Variants in CRYZ observed in about 807,000 individuals in gnomAD.
The protein encoded by CRYZ is zeta-crystallin.
CRYZ carries 35 observed loss-of-function variants against 34.1 expected under a neutral mutation model. The observed-to-expected ratio is 1.03, with a 90% CI of 0.78 to 1.36. The LOEUF is 1.36. Ranked by LOEUF, CRYZ falls within the 40% of genes most tolerant of loss-of-function variation. The pLI is 0.00. For synonymous variants in CRYZ, 137 were observed against 136.5 expected (o/e 1.00, Z -0.03); for missense variants, 403 against 391.8 (o/e 1.03, Z -0.24).
Position 74,719,230 on chromosome 1 carries a change from G to A in CRYZ, c.407C>T (p.Ala136Val), listed in dbSNP as rs1375457137. Reference protein sequence around the residue: ...GAAIGIPYFTAYRALIHSACV... With the variant: ...GAAIGIPYFTVYRALIHSACV... ...TTACCTGTGGATCAGAGCTCGATAA[G>A]CAGTAAAATATGGAATGCCGATGGC... Residue 136 changes from alanine to valine, a missense_variant, in exon 4 of 9, where the codon GCT (alanine) becomes GTT (valine). Ala to Val is a moderately conservative substitution (Grantham distance 64, BLOSUM62 0). Transcript: ENST00000340866. The A allele has an allele frequency of 2.5e-6, 4 of 1,613,752 alleles. No individual in the cohort carries two copies. In the East Asian group the frequency reaches 8.9e-5, roughly 36 times the overall value.
rs1647917785 is a variant in CRYZ at position 74,732,853 on chromosome 1, G to A, written c.-14+103C>T. ...GCACTAGTTCTCTGGGAGGACAGAG[G>A]GCAGGAAAGGGGTGCAGCCAAAATC... On this transcript the variant is annotated intron_variant, in intron 1 of 8. Transcript: ENST00000340866. 1.5e-5 allele frequency: 3 copies of A among 200,958 alleles called. No homozygotes were observed. The South Asian group carries it at 2.7e-4, about 18-fold the overall frequency. The allele number at this position is 200,958 out of a possible 1,614,324, so 12.4% of individuals were successfully genotyped here. A position where few individuals can be genotyped will look rare whatever the true frequency, so the allele number is the denominator to read the frequency against.
intron 1 of CRYZ, among the ~76,000 whole-genome samples, chr1:74,725,176 T>C (rs1054194382): frequency 6.6e-6 from 1 of 152,210 alleles, no homozygotes; most frequent in Non-Finnish European, 1.5e-5. Flanking sequence ...TTTATTAACA[T>C]TAGGTAAACT....
At chr1:74,716,862 C>A (rs1427892610) in intron 4 of CRYZ, among the ~76,000 whole-genome samples, 11 of 152,142 alleles carry the variant, frequency 7.2e-5, no homozygotes, top group Non-Finnish European at 1.5e-4. Context: ...TTGCCACCAG[C>A]ATTCTAGCCC....
Position 74,706,909 on chromosome 1 carries a change from G to A in CRYZ, c.818C>T (p.Ser273Phe), listed in dbSNP as rs1646936570. Reference protein sequence around the residue: ...ESSIIGVTLFSSTKEEFQQYA... With the variant: ...ESSIIGVTLFFSTKEEFQQYA... ...TACTTCTTTTCCTACCTTGGTTGAG[G>A]AAAAGAGAGTAACTCCAATTATACT... The change falls in exon 8 of 9, where the codon TCC (serine) becomes TTC (phenylalanine). Residue 273 changes from serine to phenylalanine, a missense_variant. Ser to Phe is a radical substitution (Grantham distance 155). Coordinates refer to ENST00000340866, the MANE Select transcript of CRYZ (RefSeq NM_001889.4). The A allele has an allele frequency of 1.9e-6, 3 of 1,612,332 alleles. No homozygotes were observed. The highest frequency in any genetic ancestry group is 2.5e-6 in the Non-Finnish European group (3 of 1,178,860).
intron 4 of CRYZ, among the ~76,000 whole-genome samples, chr1:74,717,669 G>A (rs987379322): frequency 2.6e-5 from 4 of 152,176 alleles, no homozygotes; most frequent in Non-Finnish European, 5.9e-5. Flanking sequence ...CTGCCCTTGA[G>A]ATGTTTAAGT....
intron 1 of CRYZ, among the ~76,000 whole-genome samples, chr1:74,731,116 CTTGGTTTAATTT>C (rs976585414): frequency 6.6e-5 from 10 of 152,090 alleles, no homozygotes; most frequent in Admixed American, 2.6e-4. Context: ...TTAAGAGTCC[CTTGGTTTAATTT>C]TTGGTTTAAT....
intron 1 of CRYZ, among the ~76,000 whole-genome samples, chr1:74,726,069 G>A (rs1647320949): frequency 6.6e-6 from 1 of 152,190 alleles, no homozygotes. Flanking sequence ...TTGAGTGTCT[G>A]CAGCCTTTCC....
intron 4 of CRYZ, 44 bp downstream of exon 4, chr1:74,719,165 C>A (rs1204036485): frequency 6.3e-7 from 1 of 1,594,348 alleles, no homozygotes; most frequent in Non-Finnish European, 8.6e-7. Context: ...TTAACACTAC[C>A]CTCTTTTGGC....
chr1:74,720,986 C>T (rs1647153909), intron 3 of CRYZ, among the ~76,000 whole-genome samples: 1 of 152,038 alleles, frequency 6.6e-6, no homozygotes, highest in Non-Finnish European at 1.5e-5. Flanking sequence ...GAAATTAGGA[C>T]TAGCTTTATC....
Position 74,733,023 on chromosome 1 carries a change from C to T in CRYZ, c.-81G>A, listed in dbSNP as rs1647938199. The T allele has an allele frequency of 6.7e-6, 4 of 599,170 alleles. No individual in the cohort carries two copies. Among genetic ancestry groups the T allele is most frequent in the Non-Finnish European group, 1.2e-5 (4 of 347,810 alleles). 37.1% of individuals were successfully genotyped at this position (599,170 alleles called of 1,614,324 possible). On this transcript the variant is annotated 5_prime_UTR_variant, in exon 1 of 9. The change creates a new upstream start codon in the 5' untranslated region. Coordinates refer to ENST00000340866, the MANE Select transcript of CRYZ (RefSeq NM_001889.4). ...GATTCCACAGAAATGAGGACTGCCA[C>T]ACCTTCTCCAACTTTTGCAGGCTCC...
chr1:74,716,336 C>T (rs1569990863), intron 4 of CRYZ, among the ~76,000 whole-genome samples: 1 of 152,126 alleles, frequency 6.6e-6, no homozygotes, highest in East Asian at 1.9e-4. Context: ...GACACACATC[C>T]CGTTGTTTGT....
At position 74,710,144 on chromosome 1, in the gene CRYZ, T is replaced by C; in HGVS notation, c.584A>G (p.His195Arg). 6.2e-7 allele frequency: 1 copy of C among 1,613,888 alleles called. No homozygotes were observed. The highest frequency in any genetic ancestry group is 8.5e-7 in the Non-Finnish European group (1 of 1,179,840). ...GQKIVLQNGAHEVFNHREVNY... is the reference protein window; with the variant it reads ...GQKIVLQNGAREVFNHREVNY... ...CACTTCTCTGTGATTGAACACTTCA[T>C]GGGCTCCATTTTGCAAAACAATCTT... is the stretch of plus-strand genomic sequence containing the variant. Residue 195 changes from histidine to arginine, a missense_variant, in exon 6 of 9, where the codon CAT (histidine) becomes CGT (arginine). By Grantham distance (29) the His-to-Arg change is conservative. Transcript: ENST00000340866.
rs1647250588 is a variant in CRYZ at position 74,724,770 on chromosome 1, C to T, written c.52G>A (p.Gly18Arg). Reference protein sequence around the residue: ...MRAVRVFEFGGPEVLKLRSDI... With the variant: ...MRAVRVFEFGRPEVLKLRSDI... The stretch of plus-strand genomic sequence containing the variant: ...GATCGCAATTTCAGGACTTCTGGCC[C>T]ACCAAATTCAAAAACTCTAACAGCT... The change falls in exon 2 of 9, where the codon GGG becomes AGG. Residue 18 changes from glycine to arginine, a missense_variant. Coordinates refer to ENST00000340866, the MANE Select transcript of CRYZ (RefSeq NM_001889.4). 1.2e-6 allele frequency: 2 copies of T among 1,613,586 alleles called. No individual in the cohort carries two copies. Among genetic ancestry groups the T allele is most frequent in the Admixed American group, 3.3e-5 (2 of 59,926 alleles).
chr1:74,723,842 T>TAA (rs1647211879), intron 2 of CRYZ, among the ~76,000 whole-genome samples: 4 of 152,200 alleles, frequency 2.6e-5, no homozygotes, highest in Non-Finnish European at 5.9e-5. Flanking sequence ...AAATTTAGTG[T>TAA]ATAAGAAATA....
At chr1:74,721,060 AAG>A (rs1647155212) in intron 3 of CRYZ, among the ~76,000 whole-genome samples, 2 of 152,172 alleles carry the variant, frequency 1.3e-5, no homozygotes, top group South Asian at 4.1e-4. Flanking sequence ...TAGAATGGGG[AAG>A]AGTCATTACG....
At chr1:74,709,980 G>T (rs2032969) in intron 6 of CRYZ, 118 bp downstream of exon 6, 1 of 736,646 alleles carries the variant, frequency 1.4e-6, no homozygotes, top group Non-Finnish European at 2.2e-6. Context: ...AAAATTCATC[G>T]CACTGAAAAA....
intron 4 of CRYZ, among the ~76,000 whole-genome samples, chr1:74,716,794 T>C (rs968127787): frequency 6.6e-6 from 1 of 152,136 alleles, no homozygotes; most frequent in Non-Finnish European, 1.5e-5. Flanking sequence ...CTCCATAGAT[T>C]GCCCAGCCTC....
intron 5 of CRYZ, among the ~76,000 whole-genome samples, chr1:74,711,248 A>G (rs1185031037): frequency 6.6e-6 from 1 of 152,210 alleles, no homozygotes; most frequent in Non-Finnish European, 1.5e-5. Flanking sequence ...GAACCACGGG[A>G]GAGCTTAAGC....
intron 6 of CRYZ, among the ~76,000 whole-genome samples, chr1:74,709,489 A>G (rs867585670): frequency 1.4e-4 from 22 of 152,320 alleles, no homozygotes; most frequent in African/African-American, 5.3e-4. Context: ...AATATTTGGG[A>G]AATTCTAATC....
Sources: gnomAD v4.1 joint callset for allele counts (sites outside exome capture counted in the v4.1 genomes callset) on GRCh38, gnomAD v4.1.1 for gene constraint, MANE v1.5 for transcripts, NCBI Gene and HGNC (gene_info 2026-07-23, HGNC 2026-07-21) for gene names.